The following AGBL4 variants were observed in gnomAD, a reference collection of about 807,000 sequenced individuals.
AGBL4 encodes cytosolic carboxypeptidase 6.
A neutral mutation model predicts 66.4 loss-of-function variants in AGBL4; 58 were observed. The observed-to-expected ratio is 0.87, with a 90% CI of 0.71 to 1.09. The LOEUF (loss-of-function observed/expected upper bound fraction) is 1.09. Ranked by LOEUF, AGBL4 falls within the 50% of genes least tolerant of loss-of-function variation. The pLI is 0.00. For synonymous variants in AGBL4, 234 were observed against 222.9 expected (o/e 1.05, Z -0.44); for missense variants, 579 against 631.0 (o/e 0.92, Z 0.88).
At chr1:49,855,791 A>G (rs1323695904) in intron 1 of AGBL4, among the ~76,000 whole-genome samples, 1 of 152,208 alleles carries the variant, frequency 6.6e-6, no homozygotes, top group Non-Finnish European at 1.5e-5. Flanking sequence ...AAATTACTAC[A>G]TCAATAAAGC....
intron 1 of AGBL4, among the ~76,000 whole-genome samples, chr1:49,960,469 C>A (rs1038320238): frequency 6.6e-5 from 10 of 151,892 alleles, no homozygotes; most frequent in African/African-American, 2.4e-4. Flanking sequence ...TAAAAAATTG[C>A]AGCTAGATTA....
intron 4 of AGBL4, among the ~76,000 whole-genome samples, chr1:49,130,440 G>GT (rs1430224608): frequency 6.6e-6 from 1 of 152,062 alleles, no homozygotes; most frequent in African/African-American, 2.4e-5. Context: ...GGTTTTTATG[G>GT]TTTTAGGTCT....
intron 3 of AGBL4, among the ~76,000 whole-genome samples, chr1:49,387,291 A>T (rs1644754824): frequency 6.6e-6 from 1 of 151,998 alleles, no homozygotes. Flanking sequence ...GGTATACATT[A>T]CACCACTCCC....
At chr1:49,200,714 GA>G (rs1647629797) in intron 4 of AGBL4, among the ~76,000 whole-genome samples, 1 of 152,194 alleles carries the variant, frequency 6.6e-6, no homozygotes, top group South Asian at 2.1e-4. Context: ...AGGTGCATAG[GA>G]CAAGGCATTT....
intron 4 of AGBL4, among the ~76,000 whole-genome samples, chr1:49,084,161 T>A (rs562713260): frequency 1.9e-5 from 1 of 52,840 alleles, no homozygotes; most frequent in East Asian, 2.6e-4. Context: ...GCCCTCCAAG[T>A]CTCTAGGAAG....
At chr1:48,550,165 G>A (rs1301732878) in intron 11 of AGBL4, among the ~76,000 whole-genome samples, 3 of 151,974 alleles carry the variant, frequency 2.0e-5, no homozygotes, top group Non-Finnish European at 2.9e-5. Context: ...TATAAGGCTC[G>A]AAATTAGTTT....
In AGBL4 at chr1:48,653,440, A is replaced by T. The variant is rs1338296218; in HGVS notation, c.736T>A (p.Phe246Ile). ...GCAATAGGGTGCTGGCTTACAAGGA[A>T]GTCAATGATCCCTAGGGAAAGAGAA... is the stretch of plus-strand genomic sequence containing the variant. Reference protein sequence around the residue: ...SSFVCQGIIDFLVSQHPIACV... With the variant: ...SSFVCQGIIDILVSQHPIACV... Residue 246 changes from phenylalanine to isoleucine, a missense_variant, in exon 8 of 14, where the codon TTC becomes ATC. Transcript: ENST00000371839. 2 of 1,577,246 alleles carry T rather than the reference A, an allele frequency of 1.3e-6. No homozygotes were observed. Among genetic ancestry groups the T allele is most frequent in the South Asian group, 2.3e-5 (2 of 85,554 alleles).
intron 1 of AGBL4, among the ~76,000 whole-genome samples, chr1:49,950,366 A>G (rs1656049155): frequency 6.6e-6 from 1 of 151,262 alleles, no homozygotes; most frequent in African/African-American, 2.4e-5. Context: ...ATGCAAACGC[A>G]TAAATAAGAA....
At chr1:49,956,736 T>A (rs1361112397) in intron 1 of AGBL4, among the ~76,000 whole-genome samples, 1 of 151,924 alleles carries the variant, frequency 6.6e-6, no homozygotes, top group African/African-American at 2.4e-5. Flanking sequence ...GAGTTTGGAA[T>A]CCCATGAGGT....
rs1276806549 is a variant in AGBL4, at chr1:48,650,256, CG to C, written c.839+3080del. ...CGCTCCTCACAGGCCACAGACCTCA[CG>C]GGGATGACTTAACTTCTCTGAGGCT... On this transcript the variant is annotated intron_variant, in intron 8 of 13. Transcript: ENST00000371839. 3.3e-5 allele frequency among the ~76,000 whole-genome samples: 5 copies of C among 152,334 alleles called. No homozygotes were observed. The South Asian group carries it at 1.0e-3, about 32-fold the overall frequency.
chr1:49,917,003 A>T (rs1387470674), intron 1 of AGBL4, among the ~76,000 whole-genome samples: 3 of 152,188 alleles, frequency 2.0e-5, no homozygotes, highest in African/African-American at 7.2e-5. Context: ...AAAGTGAAGG[A>T]GAAATAAAAT....
At chr1:49,175,239 A>T (rs1223541740) in intron 4 of AGBL4, among the ~76,000 whole-genome samples, 1 of 152,120 alleles carries the variant, frequency 6.6e-6, no homozygotes, top group African/African-American at 2.4e-5. Flanking sequence ...ATAAGGAGGG[A>T]AATGGGCATA....
chr1:49,649,316 T>C (rs1645955282), intron 3 of AGBL4, among the ~76,000 whole-genome samples: 1 of 152,090 alleles, frequency 6.6e-6, no homozygotes, highest in Non-Finnish European at 1.5e-5. Flanking sequence ...AAAATAAGAA[T>C]AGCTATATTA....
intron 9 of AGBL4, among the ~76,000 whole-genome samples, chr1:48,633,760 TCTC>T (rs1299425759): frequency 2.0e-5 from 3 of 152,322 alleles, no homozygotes; most frequent in Admixed American, 6.5e-5. Flanking sequence ...CCTGCTGTCT[TCTC>T]CTGTTTCTTA....
At chr1:49,446,622 G>A (rs1000113066) in intron 3 of AGBL4, among the ~76,000 whole-genome samples, 3 of 152,138 alleles carry the variant, frequency 2.0e-5, no homozygotes, top group African/African-American at 7.2e-5. Context: ...CCAGGGTGGT[G>A]TATGCTGGCA....
chr1:48,566,010 C>T (rs190295552), intron 11 of AGBL4, among the ~76,000 whole-genome samples: 12 of 152,310 alleles, frequency 7.9e-5, no homozygotes, highest in African/African-American at 2.9e-4. Context: ...ACTCTAGCTC[C>T]TTCTGCATAT....
chr1:48,528,825 A>C (rs1402067520), downstream of AGBL4, among the ~76,000 whole-genome samples: 1 of 152,130 alleles, frequency 6.6e-6, no homozygotes, highest in African/African-American at 2.4e-5. Flanking sequence ...AAGTAACATA[A>C]AAAAAGTTTT....
At chr1:49,406,633 AC>A (rs1645205590) in intron 3 of AGBL4, among the ~76,000 whole-genome samples, 2 of 152,210 alleles carry the variant, frequency 1.3e-5, no homozygotes, top group African/African-American at 4.8e-5. Context: ...TATAAGCTCA[AC>A]TATACAAATG....
intron 3 of AGBL4, among the ~76,000 whole-genome samples, chr1:49,423,906 G>A (rs1645600299): frequency 6.6e-6 from 1 of 151,680 alleles, no homozygotes; most frequent in African/African-American, 2.4e-5. Flanking sequence ...CAGCTCATTA[G>A]TGAATAAAAT....
Sources: allele counts gnomAD v4.1 joint callset (sites outside exome capture counted in the v4.1 genomes callset), GRCh38; gene constraint gnomAD v4.1.1; transcripts MANE v1.5; gene names NCBI Gene and HGNC (gene_info 2026-07-23, HGNC 2026-07-21).